Variants in VSNL1 observed in about 807,000 individuals in gnomAD.
VSNL1 encodes visinin-like protein 1.
A neutral mutation model predicts 20.4 loss-of-function variants in VSNL1; 6 were observed. That is an observed-to-expected ratio of 0.29 (90% CI 0.16 to 0.58). The LOEUF (loss-of-function observed/expected upper bound fraction) is 0.58, where lower values mean the gene tolerates loss of function less well. Ranked by LOEUF, VSNL1 falls within the 20% of genes least tolerant of loss-of-function variation. VSNL1 has a pLI of 0.90. For missense variants in VSNL1, 100 were observed against 234.5 expected (o/e 0.43, Z 3.75); for synonymous variants, 93 against 86.4 (o/e 1.08, Z -0.42).
At chr2:17,584,466 CT>C (rs2103368471) in intron 1 of VSNL1, among the ~76,000 whole-genome samples, 1 of 152,244 alleles carries the variant, frequency 6.6e-6, no homozygotes, top group African/African-American at 2.4e-5. Context: ...ATCAGAGCCC[CT>C]GGACATCTGG....
chr2:17,543,978 A>G (rs888009547), intron 1 of VSNL1, among the ~76,000 whole-genome samples: 1 of 152,140 alleles, frequency 6.6e-6, no homozygotes, highest in African/African-American at 2.4e-5. Flanking sequence ...CCAAAAATGT[A>G]ATCTCCCAGG....
chr2:17,644,134 A>C (rs1665942648), intron 2 of VSNL1, among the ~76,000 whole-genome samples: 1 of 151,642 alleles, frequency 6.6e-6, no homozygotes, highest in Admixed American at 6.6e-5. Context: ...TGAATGTACC[A>C]CTACAATGGG....
At chr2:17,579,404 C>G (rs775083637) in intron 1 of VSNL1, among the ~76,000 whole-genome samples, 1 of 152,024 alleles carries the variant, frequency 6.6e-6, no homozygotes, top group Non-Finnish European at 1.5e-5. Context: ...CGTGAGCCAC[C>G]GCGCCTGGCC....
At chr2:17,618,506 G>C (rs1358381337) in intron 2 of VSNL1, among the ~76,000 whole-genome samples, 1 of 152,172 alleles carries the variant, frequency 6.6e-6, no homozygotes, top group Non-Finnish European at 1.5e-5. Flanking sequence ...CACATTTGCA[G>C]GTCATTAACT....
At chr2:17,552,212 A>C (rs904808597) in intron 1 of VSNL1, among the ~76,000 whole-genome samples, 1 of 150,674 alleles carries the variant, frequency 6.6e-6, no homozygotes, top group Non-Finnish European at 1.5e-5. Context: ...AAAAAAAAAA[A>C]CAAAAAAAAA....
At chr2:17,639,883 T>C (rs1665844421) in intron 2 of VSNL1, among the ~76,000 whole-genome samples, 1 of 152,210 alleles carries the variant, frequency 6.6e-6, no homozygotes, top group South Asian at 2.1e-4. Context: ...TCTGTTCCAA[T>C]GTCCTCCCCA....
chr2:17,653,373 T>C (rs933801088), intron 3 of VSNL1, among the ~76,000 whole-genome samples: 2 of 152,200 alleles, frequency 1.3e-5, no homozygotes, highest in African/African-American at 4.8e-5. Flanking sequence ...CACTGCCTCA[T>C]GTAAGGGCTT....
At chr2:17,572,886 TTTGA>T (rs76976903) in intron 1 of VSNL1, among the ~76,000 whole-genome samples, 6,423 of 152,288 alleles carry the variant, frequency 0.042, 143 homozygotes, top group East Asian at 0.097. Context: ...CACAAATGTG[TTTGA>T]TTGTCTTCTC....
intron 2 of VSNL1, among the ~76,000 whole-genome samples, chr2:17,601,950 A>G (rs1664830589): frequency 1.3e-5 from 2 of 152,228 alleles, no homozygotes; most frequent in South Asian, 4.1e-4. Flanking sequence ...AAGTAAAAGA[A>G]AAAAAAGAGG....
intron 1 of VSNL1, chr2:17,545,855 AG>A (rs1663394172): frequency 6.6e-6 from 1 of 152,126 alleles, no homozygotes; most frequent in Admixed American, 6.5e-5. Flanking sequence ...GCTAACTTAA[AG>A]TATGCAGATT....
intron 1 of VSNL1, among the ~76,000 whole-genome samples, chr2:17,569,021 A>G (rs1664019586): frequency 6.6e-6 from 1 of 152,104 alleles, no homozygotes; most frequent in Non-Finnish European, 1.5e-5. Flanking sequence ...CTTAAATTTC[A>G]TTGTCGCCAG....
At chr2:17,542,261 CT>C (rs1230696271) in intron 1 of VSNL1, among the ~76,000 whole-genome samples, 1 of 152,088 alleles carries the variant, frequency 6.6e-6, no homozygotes, top group African/African-American at 2.4e-5. Context: ...GAACAACTTA[CT>C]TTTGAATGCA....
At chr2:17,577,887 T>A (rs989159857) in intron 1 of VSNL1, among the ~76,000 whole-genome samples, 10 of 152,184 alleles carry the variant, frequency 6.6e-5, no homozygotes, top group Non-Finnish European at 1.2e-4. Context: ...TGGCTAAGGG[T>A]CTGTCAGGGT....
chr2:17,573,989 G>A (rs780555639), intron 1 of VSNL1, among the ~76,000 whole-genome samples: 2 of 152,218 alleles, frequency 1.3e-5, no homozygotes, highest in South Asian at 4.1e-4. Flanking sequence ...GTTCTCAAAA[G>A]CCAAACATGC....
intron 2 of VSNL1, among the ~76,000 whole-genome samples, chr2:17,605,577 G>C (rs1664927234): frequency 6.6e-6 from 1 of 152,208 alleles, no homozygotes; most frequent in African/African-American, 2.4e-5. Flanking sequence ...AAGGCTCTCG[G>C]AGAATACAAT....
chr2:17,655,116 G>A lies in VSNL1; in HGVS notation c.379-81G>A, dbSNP rs540327412. ...AGGCTTGGAGGATGGGTGGGATCCC[G>A]TCAGGTGAAAGGGAGGCAAGAAGAG... is the stretch of plus-strand genomic sequence containing the variant. On this transcript the variant is annotated intron_variant, in intron 3 of 3. Coordinates refer to ENST00000295156, the MANE Select transcript of VSNL1 (RefSeq NM_003385.5). This position sits in a 1 kb window ranked among gnomAD's most constrained non-coding sequence, Gnocchi z 5.2. 204 of 1,423,462 alleles carry A rather than the reference G, an allele frequency of 1.4e-4. No homozygotes were observed. The highest frequency in any genetic ancestry group is 1.9e-4 in the Non-Finnish European group (192 of 1,026,296). 88.2% of individuals were successfully genotyped at this position (1,423,462 alleles called of 1,614,324 possible). A position where few individuals can be genotyped will look rare whatever the true frequency, so the allele number is the denominator to read the frequency against.
intron 1 of VSNL1, among the ~76,000 whole-genome samples, chr2:17,550,123 T>G (rs1663496537): frequency 6.6e-6 from 1 of 152,212 alleles, no homozygotes; most frequent in Non-Finnish European, 1.5e-5. Context: ...AATAAAAAAT[T>G]TATTGTTCAT....
At chr2:17,546,856 T>C (rs1663416103) in intron 1 of VSNL1, among the ~76,000 whole-genome samples, 2 of 152,008 alleles carry the variant, frequency 1.3e-5, no homozygotes, top group South Asian at 2.1e-4. Flanking sequence ...ATTCCAGAAG[T>C]TCAAGAGTTT....
Position 17,655,757 on chromosome 2 carries a change from T to C in VSNL1, c.*363T>C, listed in dbSNP as rs13018879. 1 of 213,244 alleles carries C rather than the reference T, an allele frequency of 4.7e-6. No individual in the cohort carries two copies. The highest frequency in any genetic ancestry group is 9.6e-6 in the Non-Finnish European group (1 of 104,292). The allele number at this position is 213,244 out of a possible 1,614,324, so 13.2% of individuals were successfully genotyped here. A position where few individuals can be genotyped will look rare whatever the true frequency, so the allele number is the denominator to read the frequency against. ...CTCGTATCTCCTTGATTACATAATG[T>C]TAGTAGCACTGAGACCCCCATGGTA... On this transcript the variant is annotated 3_prime_UTR_variant, in exon 4 of 4. Transcript: ENST00000295156. The surrounding 1 kb of genome is among the most constrained non-coding windows in gnomAD (Gnocchi z 5.2).
Sources: allele counts gnomAD v4.1 joint callset (sites outside exome capture counted in the v4.1 genomes callset), GRCh38; gene constraint gnomAD v4.1.1; non-coding constraint Gnocchi (gnomAD v3.1); transcripts MANE v1.5; gene names NCBI Gene and HGNC (gene_info 2026-07-23, HGNC 2026-07-21).